Variants in WDR70 observed in about 807,000 individuals in gnomAD.
WDR70 encodes WD repeat-containing protein 70.
Under a neutral mutation model 88.6 loss-of-function variants are expected in WDR70, and 53 were observed. That is an observed-to-expected ratio of 0.60 (90% CI 0.48 to 0.75). WDR70 has a LOEUF of 0.75. Ranked by LOEUF, WDR70 falls within the 30% of genes least tolerant of loss-of-function variation. The pLI is 0.00. For missense variants in WDR70, 610 were observed against 823.2 expected (o/e 0.74, Z 3.17); for synonymous variants, 280 against 270.0 (o/e 1.04, Z -0.36).
At chr5:37,380,235 C>A (rs1748383424) in intron 2 of WDR70, among the ~76,000 whole-genome samples, 1 of 152,166 alleles carries the variant, frequency 6.6e-6, no homozygotes, top group South Asian at 2.1e-4. Context: ...TTCTTGTTTT[C>A]TTTTGACCAG....
intron 17 of WDR70, among the ~76,000 whole-genome samples, chr5:37,743,195 G>A (rs1167241851): frequency 3.9e-5 from 6 of 152,334 alleles, no homozygotes; most frequent in East Asian, 3.9e-4. Context: ...AGAGCCACAC[G>A]GGGAAGGGGA....
chr5:37,600,379 T>C (rs1402419882), intron 9 of WDR70, among the ~76,000 whole-genome samples: 1 of 151,936 alleles, frequency 6.6e-6, no homozygotes, highest in Non-Finnish European at 1.5e-5. Flanking sequence ...TACAAAAAAT[T>C]AGCCGGCCGT....
intron 15 of WDR70, chr5:37,723,186 C>G (rs955256636): frequency 2.1e-6 from 1 of 477,572 alleles, no homozygotes; most frequent in African/African-American, 1.9e-5. Context: ...CAATACATTA[C>G]TTTATAGCAG....
intron 10 of WDR70, among the ~76,000 whole-genome samples, chr5:37,669,963 T>G (rs904776486): frequency 4.0e-5 from 6 of 151,206 alleles, no homozygotes; most frequent in African/African-American, 1.5e-4. Flanking sequence ...AAGTGTTCAG[T>G]TTAGGCAAAT....
intron 12 of WDR70, 46 bp from the exon 13 acceptor site, chr5:37,702,902 GT>G (rs747735126): frequency 2.3e-5 from 36 of 1,571,934 alleles, no homozygotes; most frequent in Non-Finnish European, 3.0e-5. Context: ...TTGCTGGACT[GT>G]TGTGGAGGTC....
intron 9 of WDR70, among the ~76,000 whole-genome samples, chr5:37,550,222 C>T (rs534456288): frequency 3.9e-5 from 6 of 152,236 alleles, no homozygotes; most frequent in East Asian, 3.9e-4. Context: ...AATGATCATA[C>T]GGTTTTAGTC....
chr5:37,497,171 TTCCCTCCCTTCCC>T, intron 8 of WDR70, among the ~76,000 whole-genome samples: 1 of 144,782 alleles, frequency 6.9e-6, no homozygotes, highest in Non-Finnish European at 1.5e-5. Context: ...CCCTCCCTCC[TTCCCTCCCTTCCC>T]CCCTCACTCC....
rs1363362860 is a variant in WDR70, at chr5:37,409,859, T to G, written c.492+13289T>G. Among the ~76,000 whole-genome samples, 3 of 152,156 alleles carry G rather than the reference T, an allele frequency of 2.0e-5. No individual in the cohort carries two copies. The South Asian group carries it at 6.2e-4, about 32-fold the overall frequency. ...TTTAGTTATTCACTCTTTCCCGTTATTTTTCACAACTATTATAATTCATTC... is the reference window on the plus strand; with the variant it reads ...TTTAGTTATTCACTCTTTCCCGTTAGTTTTCACAACTATTATAATTCATTC... On this transcript the variant is annotated intron_variant, in intron 5 of 17. Coordinates refer to ENST00000265107, the MANE Select transcript of WDR70 (RefSeq NM_018034.4).
chr5:37,674,340 G>C (rs563053560), intron 10 of WDR70, among the ~76,000 whole-genome samples: 1 of 151,724 alleles, frequency 6.6e-6, no homozygotes, highest in South Asian at 2.1e-4. Flanking sequence ...CCATTAACTC[G>C]TCATTTAGCA....
chr5:37,685,493 G>T (rs533754818), intron 10 of WDR70, among the ~76,000 whole-genome samples: 1 of 152,254 alleles, frequency 6.6e-6, no homozygotes, highest in African/African-American at 2.4e-5. Context: ...GACCTAGCCA[G>T]GCTGGGACCC....
chr5:37,673,201 C>G (rs1350621077), intron 10 of WDR70, among the ~76,000 whole-genome samples: 2 of 152,276 alleles, frequency 1.3e-5, no homozygotes, highest in East Asian at 3.9e-4. Context: ...TGGCCTCCAT[C>G]TCCATCCATG....
chr5:37,475,900 C>T (rs1739467383), intron 7 of WDR70, among the ~76,000 whole-genome samples: 1 of 140,486 alleles, frequency 7.1e-6, no homozygotes, highest in Admixed American at 7.7e-5. Flanking sequence ...GGCTGGAGTG[C>T]AATGGCGTGA....
At chr5:37,503,793 G>A (rs533175347) in intron 8 of WDR70, among the ~76,000 whole-genome samples, 1 of 151,784 alleles carries the variant, frequency 6.6e-6, no homozygotes. Context: ...TTACTGATGC[G>A]TTCTCACTGC....
At chr5:37,498,572 G>A (rs956319702) in intron 8 of WDR70, among the ~76,000 whole-genome samples, 4 of 152,130 alleles carry the variant, frequency 2.6e-5, no homozygotes, top group Non-Finnish European at 5.9e-5. Flanking sequence ...AAATTTAGAT[G>A]TATCTCACCT....
intron 7 of WDR70, among the ~76,000 whole-genome samples, chr5:37,470,143 A>AC (rs1055010024): frequency 9.9e-5 from 15 of 151,746 alleles, no homozygotes; most frequent in Non-Finnish European, 2.2e-4. Flanking sequence ...AAACAAAAAA[A>AC]AACGCACAAA....
chr5:37,379,828 T>C (rs923622549), intron 2 of WDR70, among the ~76,000 whole-genome samples: 1 of 152,216 alleles, frequency 6.6e-6, no homozygotes, highest in Non-Finnish European at 1.5e-5. Flanking sequence ...TTTTTGTAAA[T>C]AACAGCATTT....
intron 10 of WDR70, among the ~76,000 whole-genome samples, chr5:37,680,286 T>C (rs1422607719): frequency 6.6e-6 from 1 of 152,174 alleles, no homozygotes; most frequent in East Asian, 1.9e-4. Context: ...TTCTTATAGA[T>C]GCTAGATATT....
chr5:37,434,534 G>T (rs1750411824), intron 5 of WDR70, among the ~76,000 whole-genome samples: 1 of 152,168 alleles, frequency 6.6e-6, no homozygotes, highest in African/African-American at 2.4e-5. Flanking sequence ...CTTTGTAGCA[G>T]ATCTTTGTTA....
intron 10 of WDR70, among the ~76,000 whole-genome samples, chr5:37,616,373 G>A (rs1395736860): frequency 6.6e-6 from 1 of 152,062 alleles, no homozygotes; most frequent in Admixed American, 6.6e-5. Flanking sequence ...TTCCCAAAGC[G>A]CTGGGATTAC....
Sources: gnomAD v4.1 joint callset for allele counts (sites outside exome capture counted in the v4.1 genomes callset) on GRCh38, gnomAD v4.1.1 for gene constraint, MANE v1.5 for transcripts, NCBI Gene and HGNC (gene_info 2026-07-23, HGNC 2026-07-21) for gene names.